The following GALNT16 variants were observed in gnomAD, a reference collection of about 807,000 sequenced individuals.
GALNT16 encodes the protein polypeptide N-acetylgalactosaminyltransferase 16, also known as UDP-GalNAc:polypeptide N-acetylgalactosaminyltransferase-like protein 1.
A neutral mutation model predicts 76.1 loss-of-function variants in GALNT16; 40 were observed. The observed-to-expected ratio is 0.53, with a 90% confidence interval of 0.41 to 0.68. GALNT16 has a LOEUF of 0.68. Ranked by LOEUF, GALNT16 falls within the 30% of genes least tolerant of loss-of-function variation. The probability of loss-of-function intolerance (pLI) is 0.00; values close to 1 mark genes in which losing one functional copy is unlikely to be tolerated. For synonymous variants in GALNT16, 276 were observed against 285.2 expected (o/e 0.97, Z 0.32); for missense variants, 621 against 731.9 (o/e 0.85, Z 1.75).
the GALNT16 span, among the ~76,000 whole-genome samples, chr14:69,377,425 G>T: frequency 6.6e-6 from 1 of 152,088 alleles, no homozygotes; most frequent in Non-Finnish European, 1.5e-5. Flanking sequence ...TGATAAATAT[G>T]TAGAAATATT....
At chr14:69,377,804 CAAAAAAAAAA>C in the GALNT16 span, among the ~76,000 whole-genome samples, 6 of 37,484 alleles carry the variant, frequency 1.6e-4, no homozygotes, top group African/African-American at 3.9e-4. Context: ...GAGACTGTCT[CAAAAAAAAAA>C]AAAAAAAAAA....
intron 1 of GALNT16, among the ~76,000 whole-genome samples, chr14:69,282,650 C>CTATTTATTTATTTATTTATT (rs34689381): frequency 3.5e-4 from 52 of 147,340 alleles, no homozygotes; most frequent in Non-Finnish European, 6.3e-4. Flanking sequence ...AGAATTTGTC[C>CTATTTATTTATTTATTTATT]TATTTATTTA....
At chr14:69,321,066 C>T (rs1474967288) in intron 2 of GALNT16, among the ~76,000 whole-genome samples, 198 bp downstream of exon 2, 5 of 152,230 alleles carry the variant, frequency 3.3e-5, no homozygotes, top group African/African-American at 9.6e-5. Flanking sequence ...CCAAGGAAAC[C>T]GCTCCGCTGG....
chr14:69,372,455 C>A, the GALNT16 span, among the ~76,000 whole-genome samples: 1 of 150,190 alleles, frequency 6.7e-6, no homozygotes, highest in South Asian at 2.1e-4. Flanking sequence ...GGTCACAAGG[C>A]TCAAATACAT....
chr14:69,305,661 A>G (rs1479928828), intron 1 of GALNT16, among the ~76,000 whole-genome samples: 1 of 151,886 alleles, frequency 6.6e-6, no homozygotes, highest in African/African-American at 2.4e-5. Flanking sequence ...AGTTCCTTAG[A>G]ATTTTTGGAA....
intron 1 of GALNT16, among the ~76,000 whole-genome samples, chr14:69,303,336 T>C (rs996923275): frequency 6.6e-6 from 1 of 152,140 alleles, no homozygotes; most frequent in African/African-American, 2.4e-5. Flanking sequence ...GTTAGCCCAA[T>C]AGCATCTGCT....
chr14:69,337,422 T>C (rs543034323), intron 9 of GALNT16, among the ~76,000 whole-genome samples: 1 of 152,378 alleles, frequency 6.6e-6, no homozygotes, highest in Non-Finnish European at 1.5e-5. Context: ...ATGGCCATTG[T>C]TGATAATAAT....
chr14:69,301,979 A>G (rs1301424987), intron 1 of GALNT16, among the ~76,000 whole-genome samples: 3 of 152,118 alleles, frequency 2.0e-5, no homozygotes, highest in Non-Finnish European at 4.4e-5. Context: ...CTCATCTAAA[A>G]CAAACAAACA....
intron 1 of GALNT16, among the ~76,000 whole-genome samples, chr14:69,296,763 TAGATAGAC>T (rs879541498): frequency 0.018 from 2,326 of 128,848 alleles, 27 homozygotes; most frequent in East Asian, 0.077. Context: ...GATAGATAGA[TAGATAGAC>T]AGATAGATGA....
At chr14:69,374,512 C>G in the GALNT16 span, among the ~76,000 whole-genome samples, 2 of 152,150 alleles carry the variant, frequency 1.3e-5, no homozygotes, top group Non-Finnish European at 2.9e-5. Flanking sequence ...GGATGTCTTG[C>G]TAGTCAAAGT....
At chr14:69,285,690 A>C (rs2044601983) in intron 1 of GALNT16, among the ~76,000 whole-genome samples, 3 of 152,176 alleles carry the variant, frequency 2.0e-5, no homozygotes, top group Admixed American at 2.0e-4. Context: ...TTTGACCCTC[A>C]GAGAAAGAGG....
At chr14:69,308,390 C>T (rs1268334055) in intron 1 of GALNT16, among the ~76,000 whole-genome samples, 1 of 151,338 alleles carries the variant, frequency 6.6e-6, no homozygotes, top group South Asian at 2.1e-4. Context: ...CCCTGTAGAG[C>T]GGTTTCCTGT....
At chr14:69,276,375 G>T (rs1357037714) in intron 1 of GALNT16, among the ~76,000 whole-genome samples, 1 of 152,190 alleles carries the variant, frequency 6.6e-6, no homozygotes, top group Non-Finnish European at 1.5e-5. Context: ...GTTTGCTTCA[G>T]TTTTTTTATA....
the GALNT16 span, among the ~76,000 whole-genome samples, chr14:69,373,512 C>G: frequency 6.6e-6 from 1 of 152,156 alleles, no homozygotes; most frequent in Non-Finnish European, 1.5e-5. Flanking sequence ...ACTGAACATC[C>G]ACTTAAGTGT....
At chr14:69,287,002 C>T (rs2044622405) in intron 1 of GALNT16, among the ~76,000 whole-genome samples, 1 of 152,214 alleles carries the variant, frequency 6.6e-6, no homozygotes, top group Admixed American at 6.5e-5. Context: ...CCACAGAACA[C>T]ACGGCATCTT....
At chr14:69,342,409 G>A (rs1275686) in intron 12 of GALNT16, among the ~76,000 whole-genome samples, 63,140 of 138,706 alleles carry the variant, frequency 0.46, 15,673 homozygotes, top group Non-Finnish European at 0.55. Flanking sequence ...TAAGTGTTAG[G>A]GTGAGGAAGA....
At chr14:69,276,671 A>G (rs1265075377) in intron 1 of GALNT16, among the ~76,000 whole-genome samples, 2 of 126,608 alleles carry the variant, frequency 1.6e-5, no homozygotes, top group Non-Finnish European at 3.3e-5. Flanking sequence ...ACAGAGTGAG[A>G]CTCTATCTCA....
chr14:69,372,159 A>T, the GALNT16 span, among the ~76,000 whole-genome samples: 1 of 152,052 alleles, frequency 6.6e-6, no homozygotes, highest in African/African-American at 2.4e-5. Context: ...GTTAGAGCCC[A>T]AGTAGGAAGA....
Position 69,333,193 on chromosome 14 carries a change from G to C in GALNT16, c.863+24G>C. ...AGGTCAGAGCTGCGGTGGGCTCTGG[G>C]GGACCCCTTCCTTCCCTGGGTCAGG... On this transcript the variant is annotated intron_variant, in intron 8 of 14. Transcript: ENST00000448469. This position sits in a 1 kb window ranked among gnomAD's most constrained non-coding sequence, Gnocchi z 4.2. 6.6e-7 allele frequency: 1 copy of C among 1,517,954 alleles called. No homozygotes were observed. The highest frequency in any genetic ancestry group is 9.0e-7 in the Non-Finnish European group (1 of 1,105,576). The allele number at this position is 1,517,954 out of a possible 1,614,324, so 94.0% of individuals were successfully genotyped here. A position where few individuals can be genotyped will look rare whatever the true frequency, so the allele number is the denominator to read the frequency against.
Sources: allele counts gnomAD v4.1 joint callset (sites outside exome capture counted in the v4.1 genomes callset), GRCh38; gene constraint gnomAD v4.1.1; non-coding constraint Gnocchi (gnomAD v3.1); transcripts MANE v1.5; gene names NCBI Gene and HGNC (gene_info 2026-07-23, HGNC 2026-07-21).